CHL1: variants seen among roughly 807,000 people sequenced by gnomAD.
The protein encoded by CHL1 is neural cell adhesion molecule L1-like protein.
In CHL1, 96 loss-of-function variants were observed where a neutral mutation model predicts 141.9. That is an observed-to-expected ratio of 0.68 (90% CI 0.57 to 0.80). CHL1 has a LOEUF of 0.80. Ranked by LOEUF, CHL1 falls within the 30% of genes least tolerant of loss-of-function variation. The pLI, the probability that CHL1 is intolerant of heterozygous loss-of-function variation, is 0.00. For missense variants in CHL1, 1,820 were observed against 1,457.2 expected (o/e 1.25, Z -4.05); for synonymous variants, 613 against 502.2 (o/e 1.22, Z -2.95).
chr3:297,454 T>C (rs1438504046), intron 2 of CHL1, among the ~76,000 whole-genome samples: 4 of 152,198 alleles, frequency 2.6e-5, no homozygotes, highest in African/African-American at 7.2e-5. Flanking sequence ...TAAAATGAGA[T>C]TTGTGAGTAA....
chr3:284,877 G>A (rs1696992669), intron 2 of CHL1, among the ~76,000 whole-genome samples: 1 of 151,744 alleles, frequency 6.6e-6, no homozygotes, highest in African/African-American at 2.4e-5. Context: ...TAATTCCATT[G>A]GTAGTAGATA....
chr3:266,314 C>T lies in CHL1; in HGVS notation c.-95+21622C>T, dbSNP rs1397067053. Among the ~76,000 whole-genome samples, 7 of 151,934 alleles carry T rather than the reference C, an allele frequency of 4.6e-5. 1 individual carries two copies. In the East Asian group the frequency reaches 1.2e-3, roughly 25 times the overall value. ...GGACCTGCAGTGATGCACCAGCGAG[C>T]GACAAATGGAGACATTTCTTTAACA... is the stretch of plus-strand genomic sequence containing the variant. On this transcript the variant is annotated intron_variant, in intron 2 of 27. Transcript: ENST00000256509.
At chr3:363,530 C>G in intron 14 of CHL1, 147 bp downstream of exon 14, 1 of 678,004 alleles carries the variant, frequency 1.5e-6, no homozygotes, top group South Asian at 2.0e-5. Context: ...TGGGTTTCAT[C>G]TAAAAGATTA....
intron 1 of CHL1, among the ~76,000 whole-genome samples, chr3:231,990 C>G (rs73090633): frequency 0.01 from 1,543 of 152,190 alleles, 31 homozygotes; most frequent in African/African-American, 0.035. Flanking sequence ...CATTTTGACT[C>G]TCCTCATGTT....
intron 10 of CHL1, among the ~76,000 whole-genome samples, chr3:353,971 C>T (rs1431300182): frequency 1.3e-5 from 2 of 152,158 alleles, no homozygotes; most frequent in South Asian, 2.1e-4. Flanking sequence ...TTCTGACATA[C>T]TTTGTAGTAT....
At chr3:310,923 T>C (rs927195065) in intron 2 of CHL1, among the ~76,000 whole-genome samples, 36 of 152,204 alleles carry the variant, frequency 2.4e-4, no homozygotes, top group Non-Finnish European at 4.9e-4. Context: ...ACCACTTATC[T>C]TTTTACTTTC....
intron 6 of CHL1, 128 bp downstream of exon 6, chr3:341,044 G>T: frequency 1.1e-6 from 1 of 939,428 alleles, no homozygotes. Flanking sequence ...TTGAAGAGGA[G>T]ATGCTACTAA....
intron 1 of CHL1, among the ~76,000 whole-genome samples, chr3:216,475 GAATACTTTT>G: frequency 6.6e-6 from 1 of 152,116 alleles, no homozygotes; most frequent in Non-Finnish European, 1.5e-5. Context: ...CGTTGTACCA[GAATACTTTT>G]ATGAATGAAA....
chr3:353,649 A>G (rs1703456448), intron 10 of CHL1, among the ~76,000 whole-genome samples: 1 of 152,152 alleles, frequency 6.6e-6, no homozygotes, highest in Non-Finnish European at 1.5e-5. Flanking sequence ...TCCTTTTTAC[A>G]TAATCCTCTT....
chr3:362,484 A>G (rs1559310737), intron 13 of CHL1, among the ~76,000 whole-genome samples: 1 of 152,150 alleles, frequency 6.6e-6, no homozygotes, highest in Non-Finnish European at 1.5e-5. Flanking sequence ...TCAAAATACT[A>G]GATTGAAATA....
intron 1 of CHL1, among the ~76,000 whole-genome samples, chr3:242,077 A>G (rs992655819): frequency 7.9e-5 from 12 of 152,230 alleles, no homozygotes; most frequent in African/African-American, 2.9e-4. Flanking sequence ...TGTATATCCT[A>G]AATTGTACAG....
intron 1 of CHL1, among the ~76,000 whole-genome samples, chr3:221,154 T>A (rs1700804842): frequency 6.6e-6 from 1 of 152,220 alleles, no homozygotes; most frequent in Non-Finnish European, 1.5e-5. Flanking sequence ...TTCATGCATT[T>A]ATTGATGTCT....
intron 2 of CHL1, among the ~76,000 whole-genome samples, chr3:271,777 G>A (rs1262314232): frequency 6.6e-6 from 1 of 152,170 alleles, no homozygotes; most frequent in African/African-American, 2.4e-5. Flanking sequence ...AAATCAAAGT[G>A]AACATTGATG....
intron 1 of CHL1, among the ~76,000 whole-genome samples, chr3:236,891 A>AAG (rs1408584277): frequency 3.3e-5 from 5 of 151,708 alleles, no homozygotes; most frequent in Non-Finnish European, 7.4e-5. Flanking sequence ...TTTAGGGCAA[A>AAG]AAAAAAAACC....
chr3:357,128 G>GT (rs1192001720), intron 11 of CHL1, among the ~76,000 whole-genome samples: 4 of 152,186 alleles, frequency 2.6e-5, no homozygotes, highest in Non-Finnish European at 5.9e-5. Context: ...AGACCACACA[G>GT]CTGAATAATG....
rs937918430 is a variant in CHL1 at position 387,842 on chromosome 3, AT to A, written c.2248-1400del. Among the ~76,000 whole-genome samples the A allele has an allele frequency of 2.5e-3, 374 of 150,544 alleles. 2 individuals are homozygous for A. Among genetic ancestry groups the A allele is most frequent in the African/African-American group, 7.7e-3 (317 of 41,084 alleles). ...CTCAGAAAGTTTTCATTTTGTTTTG[AT>A]TTTTTTTTTCCCTCAGTTAGTTTAG... On this transcript the variant is annotated intron_variant, in intron 19 of 27. Transcript: ENST00000256509.
At chr3:301,724 G>T (rs1698755175) in intron 2 of CHL1, among the ~76,000 whole-genome samples, 1 of 152,112 alleles carries the variant, frequency 6.6e-6, no homozygotes, top group Admixed American at 6.6e-5. Flanking sequence ...TTGCTGTCTT[G>T]TAGTCTTTTT....
rs1167726282 is a variant in CHL1 at position 341,877 on chromosome 3, A to G, written c.509-35A>G. 11 of 1,511,146 alleles carry G rather than the reference A, an allele frequency of 7.3e-6. No homozygotes were observed. In the African/African-American group the frequency reaches 1.2e-4, roughly 17 times the overall value. The allele number at this position is 1,511,146 out of a possible 1,614,324, so 93.6% of individuals were successfully genotyped here. ...GGAAGATGAAGCACAGTAAGGGACA[A>G]TTGCCCTTTTCAATGGCAAGATATC... On this transcript the variant is annotated intron_variant, in intron 6 of 27. Transcript: ENST00000256509.
chr3:390,913 G>A lies in CHL1; in HGVS notation c.2587-42G>A, dbSNP rs780883074. ...TCAGAAGAAGTCAAAGAGAATCTGC[G>A]ACCACAATGGATATACTAAAAGATT... On this transcript the variant is annotated intron_variant, in intron 21 of 27. Coordinates refer to ENST00000256509, the MANE Select transcript of CHL1 (RefSeq NM_006614.4). 2.1e-5 allele frequency: 33 copies of A among 1,564,618 alleles called. No individual in the cohort carries two copies. The East Asian group carries it at 5.4e-4, about 26-fold the overall frequency.
Sources: gnomAD v4.1 joint callset for allele counts (sites outside exome capture counted in the v4.1 genomes callset) on GRCh38, gnomAD v4.1.1 for gene constraint, MANE v1.5 for transcripts, NCBI Gene and HGNC (gene_info 2026-07-23, HGNC 2026-07-21) for gene names.